Variants in HEYL observed in about 807,000 individuals in gnomAD.
HEYL encodes hes related family bHLH transcription factor with YRPW motif like.
Under a neutral mutation model 18.6 loss-of-function variants are expected in HEYL, and 12 were observed. The observed-to-expected ratio is 0.65, with a 90% confidence interval of 0.41 to 1.05. The LOEUF is 1.05. HEYL is among the 50% of genes least tolerant of loss of function. The probability of loss-of-function intolerance (pLI) is 0.00; values close to 1 mark genes in which losing one functional copy is unlikely to be tolerated. For missense variants in HEYL, 420 were observed against 444.7 expected (o/e 0.94, Z 0.50); for synonymous variants, 159 against 179.6 (o/e 0.89, Z 0.91).
intron 1 of HEYL, among the ~76,000 whole-genome samples, chr1:39,637,414 T>G (rs767413878): frequency 5.3e-5 from 8 of 152,214 alleles, no homozygotes; most frequent in Non-Finnish European, 5.9e-5. Context: ...TGTCAGTGTT[T>G]ATCTGCTTTC....
At chr1:39,631,638 T>G (rs1646334160) in intron 2 of HEYL, 59 bp from the exon 3 acceptor site, 4 of 1,352,618 alleles carry the variant, frequency 3.0e-6, no homozygotes, top group Non-Finnish European at 3.2e-6. Flanking sequence ...CCAAAGTGCC[T>G]TGATGGTCAT....
chr1:39,633,128 G>A (rs1230810525), intron 1 of HEYL: 2 of 983,634 alleles, frequency 2.0e-6, no homozygotes, highest in South Asian at 4.7e-5. Flanking sequence ...AGCAGATGCC[G>A]CTGCTTCCCA....
chr1:39,630,208 A>G lies in HEYL; in HGVS notation c.313+19T>C. ...TATTTGTTGTATGAATGACGCCTGA[A>G]AGAGAAGAGCATGGGTACCTGTCCC... is the stretch of plus-strand genomic sequence containing the variant. On this transcript the variant is annotated intron_variant, in intron 4 of 4. Transcript: ENST00000372852. The G allele has an allele frequency of 1.9e-6, 3 of 1,608,330 alleles. No homozygotes were observed. The highest frequency in any genetic ancestry group is 2.6e-6 in the Non-Finnish European group (3 of 1,174,746).
chr1:39,633,046 TGGCCGGCGGCGGCGGGGCTGGGCCGGGC>T, intron 1 of HEYL: 1 of 963,586 alleles, frequency 1.0e-6, no homozygotes, highest in Non-Finnish European at 1.2e-6. Context: ...GCGAGGGCAC[TGGCCGGCGGCGGCGGGGCTGGGCCGGGC>T]GGGTTGGGTT....
intron 2 of HEYL, 80 bp downstream of exon 2, chr1:39,632,568 AG>A: frequency 8.0e-7 from 1 of 1,252,654 alleles, no homozygotes; most frequent in Middle Eastern, 2.0e-4. Flanking sequence ...ATTTCTGCCT[AG>A]GGTTCTCCCC....
rs2124101925 is a variant in HEYL at position 39,625,668 on chromosome 1, A to G, written c.*839T>C. 1 of 152,778 alleles carries G rather than the reference A, an allele frequency of 6.5e-6. No individual in the cohort carries two copies. The highest frequency in any genetic ancestry group is 1.9e-4 in the East Asian group (1 of 5,194). The allele number at this position is 152,778 out of a possible 1,614,324, so 9.5% of individuals were successfully genotyped here. A position where few individuals can be genotyped will look rare whatever the true frequency, so the allele number is the denominator to read the frequency against. On this transcript the variant is annotated 3_prime_UTR_variant, in exon 5 of 5. Transcript: ENST00000372852. Reference sequence around the variant, plus strand: ...GGGACCACACGCCTGGAGGATGGCGACTGTAAGACGTGGGGGCTGGGCTCT... The same window carrying G: ...GGGACCACACGCCTGGAGGATGGCGGCTGTAAGACGTGGGGGCTGGGCTCT...
intron 1 of HEYL, 59 bp downstream of exon 1, chr1:39,639,486 CG>C: frequency 7.0e-7 from 1 of 1,427,436 alleles, no homozygotes; most frequent in Admixed American, 2.1e-5. Flanking sequence ...GCGAGCCCGT[CG>C]GGCCGACCCC....
chr1:39,639,349 C>A (rs1384627802), intron 1 of HEYL, among the ~76,000 whole-genome samples, 197 bp downstream of exon 1: 2 of 152,196 alleles, frequency 1.3e-5, no homozygotes, highest in African/African-American at 2.4e-5. Context: ...CGACCGAGAG[C>A]GCGCAGGATC....
chr1:39,623,728 C>G lies in HEYL; in HGVS notation c.*2779G>C, dbSNP rs1021390597. Among the ~76,000 whole-genome samples the G allele has an allele frequency of 7.2e-5, 11 of 152,224 alleles. No individual in the cohort carries two copies. Among genetic ancestry groups the G allele is most frequent in the African/African-American group, 2.7e-4 (11 of 41,458 alleles). The stretch of plus-strand genomic sequence containing the variant: ...AGCCAAGGCCTGAGGGTCTGCAGAA[C>G]TCAGCCATGCACAGGGTAGGGGAAG... On this transcript the variant is annotated 3_prime_UTR_variant, in exon 5 of 5. Transcript: ENST00000372852.
intron 3 of HEYL, 49 bp downstream of exon 3, chr1:39,631,447 C>T (rs1646332322): frequency 6.6e-7 from 1 of 1,526,482 alleles, no homozygotes; most frequent in Admixed American, 1.7e-5. Context: ...CGAACCTTAT[C>T]TGCCACCCAC....
At chr1:39,639,459 G>C in intron 1 of HEYL, 87 bp downstream of exon 1, 1 of 1,147,302 alleles carries the variant, frequency 8.7e-7, no homozygotes, top group Non-Finnish European at 1.2e-6. Context: ...GTGCTGGAGG[G>C]CTGGCCCGCC....
intron 1 of HEYL, among the ~76,000 whole-genome samples, chr1:39,635,266 CA>C (rs1201523053): frequency 6.6e-6 from 1 of 152,224 alleles, no homozygotes; most frequent in Admixed American, 6.5e-5. Context: ...ATCTATGGGG[CA>C]GCTTGTTTAC....
At chr1:39,633,150 C>T (rs1031995555) in intron 1 of HEYL, 2 of 980,982 alleles carry the variant, frequency 2.0e-6, no homozygotes, top group Non-Finnish European at 2.4e-6. Flanking sequence ...GGGCCGGGCG[C>T]GCCGGCCGCC....
Position 39,637,391 on chromosome 1 carries a change from G to A in HEYL, c.80+2155C>T, listed in dbSNP as rs190490529. 3.2e-4 allele frequency among the ~76,000 whole-genome samples: 49 copies of A among 152,274 alleles called. 1 individual carries two copies. Among genetic ancestry groups the A allele is most frequent in the Non-Finnish European group, 6.5e-4 (44 of 68,022 alleles). Reference sequence around the variant, plus strand: ...TGACCCCGAGAGGCTGGCTGCCTCCGTCCTGCGGCCTTTGTCAGTGTTTAT... The same window carrying A: ...TGACCCCGAGAGGCTGGCTGCCTCCATCCTGCGGCCTTTGTCAGTGTTTAT... On this transcript the variant is annotated intron_variant, in intron 1 of 4. Coordinates refer to ENST00000372852, the MANE Select transcript of HEYL (RefSeq NM_014571.4).
chr1:39,633,023 G>GGGGGC (rs887850375), intron 1 of HEYL: 2 of 968,982 alleles, frequency 2.1e-6, no homozygotes, highest in Non-Finnish European at 1.2e-6. Flanking sequence ...CCCGATCCCC[G>GGGGGC]GGGGCGGGGC....
At chr1:39,627,203 G>T (rs1373513172) in intron 4 of HEYL, 23 bp from the exon 5 acceptor site, 2 of 1,593,500 alleles carry the variant, frequency 1.3e-6, no homozygotes. Flanking sequence ...GCGTGATGAA[G>T]GTCATGCCAG....
In HEYL at chr1:39,626,499, G is replaced by A. The variant is rs1321668570; in HGVS notation, c.*8C>T. Reference sequence around the variant, plus strand: ...TTATTCCTTGGGGCGGGGTGGTGAAGGGGCAGCTCAGAAAGCCCCGATTTC... The same window carrying A: ...TTATTCCTTGGGGCGGGGTGGTGAAAGGGCAGCTCAGAAAGCCCCGATTTC... On this transcript the variant is annotated 3_prime_UTR_variant, in exon 5 of 5. Coordinates refer to ENST00000372852, the MANE Select transcript of HEYL (RefSeq NM_014571.4). 12 of 1,505,256 alleles carry A rather than the reference G, an allele frequency of 8.0e-6. No individual in the cohort carries two copies. The highest frequency in any genetic ancestry group is 1.3e-5 in the South Asian group (1 of 75,232). The allele number at this position is 1,505,256 out of a possible 1,614,324, so 93.2% of individuals were successfully genotyped here.
rs2124103261 is a variant in HEYL at position 39,626,267 on chromosome 1, G to A, written c.*240C>T. 1.9e-6 allele frequency: 1 copy of A among 518,676 alleles called. No homozygotes were observed. The allele number at this position is 518,676 out of a possible 1,614,324, so 32.1% of individuals were successfully genotyped here. A position where few individuals can be genotyped will look rare whatever the true frequency, so the allele number is the denominator to read the frequency against. On this transcript the variant is annotated 3_prime_UTR_variant, in exon 5 of 5. Coordinates refer to ENST00000372852, the MANE Select transcript of HEYL (RefSeq NM_014571.4). ...GTCTCTCCCAGGACTCATCTGTTCA[G>A]GTGAGAAATGGAACCAAGCCTCTGA...
At chr1:39,632,562 C>T in intron 2 of HEYL, 87 bp downstream of exon 2, 1 of 1,184,726 alleles carries the variant, frequency 8.4e-7, no homozygotes, top group South Asian at 1.4e-5. Flanking sequence ...GGTGAAATTT[C>T]TGCCTAGGGT....
Sources: gnomAD v4.1 joint callset for allele counts (sites outside exome capture counted in the v4.1 genomes callset) on GRCh38, gnomAD v4.1.1 for gene constraint, MANE v1.5 for transcripts, NCBI Gene and HGNC (gene_info 2026-07-23, HGNC 2026-07-21) for gene names.